Variants in PCDH11Y observed in about 807,000 individuals in gnomAD.
The protein encoded by PCDH11Y is protocadherin-11 Y-linked.
For synonymous variants in PCDH11Y, 9 were observed against 83.6 expected (o/e 0.11, Z 4.87); for missense variants, 12 against 224.8 (o/e 0.05, Z 6.05).
intron 4 of PCDH11Y, among the ~76,000 whole-genome samples, chrY:5,704,447 T>G: frequency 3.5e-5 from 1 of 28,878 alleles, no homozygotes; most frequent in Non-Finnish European, 8.3e-5. Flanking sequence ...TTTTTTTTTT[T>G]TGGGACAGAG....
intron 3 of PCDH11Y, among the ~76,000 whole-genome samples, chrY:5,510,988 T>C (rs2053364608): frequency 3.1e-5 from 1 of 32,112 alleles, no homozygotes; most frequent in Non-Finnish European, 7.5e-5. Context: ...CTTTGCCTCA[T>C]TCAGACTGTA....
chrY:5,377,832 C>A (rs2053199596), intron 2 of PCDH11Y, among the ~76,000 whole-genome samples: 1 of 32,548 alleles, frequency 3.1e-5, no homozygotes, highest in Non-Finnish European at 7.5e-5. Context: ...CTCAGTGCAA[C>A]CTCCGCCTCC....
In PCDH11Y at chrY:5,482,045, G is replaced by C. The variant is rs1602931964; in HGVS notation, c.3130-19012G>C. ...GACACAGTCTCGCCTTGTTGCCCAG[G>C]CTGGAATGCAGTGGTGCGATCTTGG... On this transcript the variant is annotated intron_variant, in intron 2 of 4. Transcript: ENST00000400457. Among the ~76,000 whole-genome samples, 4 of 24,459 alleles carry C rather than the reference G, an allele frequency of 1.6e-4. No homozygotes were observed. In the East Asian group the frequency reaches 4.1e-3, roughly 25 times the overall value. 65.6% of individuals were successfully genotyped at this position (24,459 alleles called of 37,273 possible).
intron 2 of PCDH11Y, among the ~76,000 whole-genome samples, chrY:5,408,387 G>T (rs2053243212): frequency 3.0e-5 from 1 of 33,542 alleles, no homozygotes; most frequent in Non-Finnish European, 7.4e-5. Context: ...AATCTAAAAT[G>T]ATTCTAAAAT....
intron 2 of PCDH11Y, among the ~76,000 whole-genome samples, chrY:5,475,074 A>T (rs2053317423): frequency 3.1e-5 from 1 of 32,556 alleles, no homozygotes; most frequent in East Asian, 7.9e-4. Context: ...TTTTTGAATA[A>T]TCTTTAGGAT....
At chrY:5,526,886 G>C (rs2053388397) in intron 3 of PCDH11Y, among the ~76,000 whole-genome samples, 1 of 32,410 alleles carries the variant, frequency 3.1e-5, no homozygotes, top group Non-Finnish European at 7.6e-5. Context: ...ATACTTAAAG[G>C]GTCGGAAGAA....
chrY:5,639,672 A>AT (rs869129015), intron 4 of PCDH11Y, among the ~76,000 whole-genome samples: 24 of 14,619 alleles, frequency 1.6e-3, no homozygotes, highest in Non-Finnish European at 2.6e-3. Context: ...TGGCTGTGGC[A>AT]TTTTTTTTTT....
intron 3 of PCDH11Y, among the ~76,000 whole-genome samples, chrY:5,572,469 A>T (rs2124696352): frequency 3.0e-5 from 1 of 32,944 alleles, no homozygotes; most frequent in South Asian, 6.9e-4. Flanking sequence ...TTACATTTTC[A>T]TCAAAAGCGT....
At chrY:5,734,356 C>T in intron 4 of PCDH11Y, among the ~76,000 whole-genome samples, 2 of 33,040 alleles carry the variant, frequency 6.1e-5, no homozygotes, top group African/African-American at 1.2e-4. Flanking sequence ...GGAGGTGGAA[C>T]GGAGAGGGCC....
chrY:5,680,813 A>T, intron 4 of PCDH11Y, among the ~76,000 whole-genome samples: 3 of 32,073 alleles, frequency 9.4e-5, no homozygotes, highest in African/African-American at 2.4e-4. Flanking sequence ...AAAAATAATT[A>T]AAAAAAACAA....
At chrY:5,696,455 T>A in intron 4 of PCDH11Y, among the ~76,000 whole-genome samples, 1 of 32,596 alleles carries the variant, frequency 3.1e-5, no homozygotes, top group Non-Finnish European at 7.6e-5. Context: ...GAGTCAGTGG[T>A]GGTATCCCCC....
intron 1 of PCDH11Y, among the ~76,000 whole-genome samples, chrY:5,016,465 A>G: frequency 1.2e-4 from 4 of 32,800 alleles, no homozygotes; most frequent in Non-Finnish European, 3.0e-4. Context: ...AGTTTTGGTT[A>G]TAGATTTGAA....
Position 5,532,427 on chromosome Y carries a change from C to CT in PCDH11Y, c.3328+31191dup, listed in dbSNP as rs1456551724. ...TATGTCTGTTTTCTGTTTTTTTGTT[C>CT]TTTTTTTTTTTTTTTTTTTGTCTTT... On this transcript the variant is annotated intron_variant, in intron 3 of 4. Transcript: ENST00000400457. Among the ~76,000 whole-genome samples, 14 of 12,161 alleles carry CT rather than the reference C, an allele frequency of 1.2e-3. No homozygotes were observed. The East Asian group carries it at 0.016, about 14-fold the overall frequency. 32.6% of individuals were successfully genotyped at this position (12,161 alleles called of 37,273 possible). A position where few individuals can be genotyped will look rare whatever the true frequency, so the allele number is the denominator to read the frequency against.
At chrY:5,638,374 C>T in intron 4 of PCDH11Y, among the ~76,000 whole-genome samples, 1 of 32,147 alleles carries the variant, frequency 3.1e-5, no homozygotes, top group Non-Finnish European at 7.6e-5. Context: ...ATGCCTAGTG[C>T]TTAATACAAT....
At chrY:5,097,783 C>T in intron 1 of PCDH11Y, among the ~76,000 whole-genome samples, 5 of 31,428 alleles carry the variant, frequency 1.6e-4, no homozygotes, top group Admixed American at 1.5e-3. Flanking sequence ...CACCTGAACC[C>T]CAATAACTTA....
At chrY:5,354,577 ACACACG>A (rs2053163700) in intron 2 of PCDH11Y, among the ~76,000 whole-genome samples, 7 of 32,833 alleles carry the variant, frequency 2.1e-4, no homozygotes, top group South Asian at 6.8e-4. Flanking sequence ...ACGCGCACAC[ACACACG>A]CACACGCACA....
At chrY:5,070,402 T>C in intron 1 of PCDH11Y, among the ~76,000 whole-genome samples, 3 of 31,688 alleles carry the variant, frequency 9.5e-5, no homozygotes, top group Non-Finnish European at 1.5e-4. Context: ...GTATGTTTAT[T>C]TTGAAACTTG....
intron 3 of PCDH11Y, among the ~76,000 whole-genome samples, chrY:5,505,014 T>TA (rs2053357767): frequency 3.1e-5 from 1 of 32,672 alleles, no homozygotes; most frequent in Non-Finnish European, 7.6e-5. Context: ...GAAGCCAGGG[T>TA]TTTTATGTTT....
chrY:5,262,314 A>G, intron 2 of PCDH11Y, among the ~76,000 whole-genome samples: 2 of 31,159 alleles, frequency 6.4e-5, no homozygotes, highest in African/African-American at 2.5e-4. Context: ...ATGGTATCTC[A>G]TTGTGGTTTT....
Sources: allele counts gnomAD v4.1 joint callset (sites outside exome capture counted in the v4.1 genomes callset), GRCh38; gene constraint gnomAD v4.1.1; transcripts MANE v1.5; gene names NCBI Gene and HGNC (gene_info 2026-07-23, HGNC 2026-07-21).